Variants in FAM178B observed in about 807,000 individuals in gnomAD.
FAM178B encodes family with sequence similarity 178 member B.
In FAM178B, 82 loss-of-function variants were observed where a neutral mutation model predicts 91.7. That is an observed-to-expected ratio of 0.89 (90% CI 0.75 to 1.07). The LOEUF (loss-of-function observed/expected upper bound fraction) is 1.07, where lower values mean the gene tolerates loss of function less well. Among genes scored for constraint, FAM178B ranks in the 50% least tolerant of loss-of-function variants. The pLI is 0.00. For missense variants in FAM178B, 769 were observed against 846.7 expected, an observed-to-expected ratio of 0.91 and a Z score of 1.14; for synonymous variants, 368 against 359.4, an observed-to-expected ratio of 1.02 and a Z score of -0.27.
intron 6 of FAM178B, 119 bp downstream of exon 6, chr2:96,960,169 A>T: frequency 9.5e-7 from 1 of 1,056,786 alleles, no homozygotes; most frequent in South Asian, 1.7e-5. Flanking sequence ...GACACATTCA[A>T]ATTGGCCTGA....
chr2:96,941,915 A>G (rs2081738857), intron 8 of FAM178B, among the ~76,000 whole-genome samples: 1 of 152,212 alleles, frequency 6.6e-6, no homozygotes, highest in African/African-American at 2.4e-5. Context: ...TTGTTAAAGA[A>G]ACTTGAGGTC....
At chr2:96,908,337 G>A (rs1402726171) in intron 12 of FAM178B, among the ~76,000 whole-genome samples, 1 of 152,218 alleles carries the variant, frequency 6.6e-6, no homozygotes, top group Non-Finnish European at 1.5e-5. Flanking sequence ...CAAACCAGGT[G>A]TTGAGCCAAG....
intron 15 of FAM178B, 47 bp from the exon 16 acceptor site, chr2:96,878,089 G>A (rs1243741554): frequency 6.3e-7 from 1 of 1,593,734 alleles, no homozygotes; most frequent in East Asian, 2.2e-5. Flanking sequence ...CACAAGCCAG[G>A]CACATCCAAA....
At chr2:96,977,194 CAAAAAAAAAAAA>C (rs70964891) in intron 1 of FAM178B, among the ~76,000 whole-genome samples, 2 of 38,522 alleles carry the variant, frequency 5.2e-5, no homozygotes, top group African/African-American at 2.3e-4. Flanking sequence ...GACTCTGTCT[CAAAAAAAAAAAA>C]AAAAAAAAAA....
At chr2:96,878,588 CA>C in intron 14 of FAM178B, 95 bp from the exon 15 acceptor site, 3 of 1,148,980 alleles carry the variant, frequency 2.6e-6, no homozygotes, top group Non-Finnish European at 3.8e-6. Context: ...TCAGGCTTGG[CA>C]GGCCAGGCAG....
intron 12 of FAM178B, among the ~76,000 whole-genome samples, chr2:96,904,344 A>G (rs4260285): frequency 0.18 from 27,131 of 152,008 alleles, 2,996 homozygotes; most frequent in African/African-American, 0.31. Context: ...GCAGCCAGAC[A>G]CAAAAAATGT....
chr2:96,927,770 T>G (rs1425158565), intron 9 of FAM178B, among the ~76,000 whole-genome samples: 1 of 152,148 alleles, frequency 6.6e-6, no homozygotes, highest in Non-Finnish European at 1.5e-5. Context: ...CGAGACCCAG[T>G]GGCTATGTCT....
chr2:96,947,761 G>T, intron 8 of FAM178B, 57 bp downstream of exon 8: 2 of 1,003,496 alleles, frequency 2.0e-6, no homozygotes, highest in Non-Finnish European at 3.0e-6. Context: ...TGAGAGTCAC[G>T]TATCACAGGC....
At chr2:96,986,075 C>T (rs934534172) in intron 1 of FAM178B, among the ~76,000 whole-genome samples, 166 bp downstream of exon 1, 33 of 152,222 alleles carry the variant, frequency 2.2e-4, no homozygotes, top group African/African-American at 8.0e-4. Context: ...CACGTCGGAA[C>T]CCGAACCACG....
At chr2:96,933,330 C>T (rs2081573379) in intron 8 of FAM178B, among the ~76,000 whole-genome samples, 5 of 152,192 alleles carry the variant, frequency 3.3e-5, no homozygotes, top group Admixed American at 3.3e-4. Context: ...TGTGAGTCTG[C>T]AGGCGTCCCT....
At chr2:96,878,960 G>A (rs1021718059) in intron 14 of FAM178B, among the ~76,000 whole-genome samples, 2 of 152,176 alleles carry the variant, frequency 1.3e-5, no homozygotes, top group African/African-American at 4.8e-5. Flanking sequence ...GGAGCCGAAG[G>A]TTTTGGCTGA....
chr2:96,985,875 G>C (rs772395914), intron 1 of FAM178B, among the ~76,000 whole-genome samples: 2 of 152,186 alleles, frequency 1.3e-5, no homozygotes, highest in African/African-American at 2.4e-5. Context: ...CCATCAAACC[G>C]GGCAGGGGCT....
intron 16 of FAM178B, among the ~76,000 whole-genome samples, chr2:96,877,398 C>A (rs935642410): frequency 5.3e-5 from 8 of 150,912 alleles, no homozygotes; most frequent in African/African-American, 2.0e-4. Context: ...ACCCTGGGCA[C>A]TGGATTTTTT....
intron 1 of FAM178B, chr2:96,977,946 C>CGGGGGGGGGG: frequency 1.7e-5 from 1 of 57,842 alleles, no homozygotes; most frequent in South Asian, 7.9e-5. Context: ...GAGGGTGGGG[C>CGGGGGGGGGG]GGGCGGGGGA....
chr2:96,959,778 C>T, intron 6 of FAM178B, among the ~76,000 whole-genome samples: 1 of 152,320 alleles, frequency 6.6e-6, no homozygotes, highest in Admixed American at 6.5e-5. Context: ...TCAATGGTTA[C>T]GTGATAATGA....
At chr2:96,967,678 G>T in intron 4 of FAM178B, 51 bp from the exon 5 acceptor site, 1 of 1,291,392 alleles carries the variant, frequency 7.7e-7, no homozygotes, top group Non-Finnish European at 1.1e-6. Flanking sequence ...TCCCCATCGT[G>T]CAACCCTGTC....
chr2:96,904,853 G>C (rs957699824), intron 12 of FAM178B, among the ~76,000 whole-genome samples: 22 of 151,726 alleles, frequency 1.4e-4, no homozygotes, highest in African/African-American at 5.3e-4. Context: ...ACTCTTTTAT[G>C]CCCGGGTTTA....
intron 13 of FAM178B, among the ~76,000 whole-genome samples, chr2:96,900,899 A>G (rs556966885): frequency 6.6e-6 from 1 of 152,310 alleles, no homozygotes; most frequent in African/African-American, 2.4e-5. Context: ...GCAAGGGGTT[A>G]TGCTGCCTCA....
chr2:96,877,992 C>G lies in FAM178B; in HGVS notation c.1905G>C (p.Gln635His). 7.4e-6 allele frequency: 12 copies of G among 1,613,258 alleles called. No homozygotes were observed. The highest frequency in any genetic ancestry group is 1.0e-5 in the Non-Finnish European group (12 of 1,180,026). Reference sequence around the variant, plus strand: ...GCATGGCCTGGGGGCTCTCCCGGATCTGCGTGCTGATGTGGCGGTCCAACT... The same window carrying G: ...GCATGGCCTGGGGGCTCTCCCGGATGTGCGTGCTGATGTGGCGGTCCAACT... Reference protein sequence around the residue: ...CMQLDRHISTQIRESPQAMHR... With the variant: ...CMQLDRHISTHIRESPQAMHR... The change falls in exon 16 of 17, where the codon CAG (glutamine) becomes CAC (histidine). Residue 635 changes from glutamine (Q) to histidine (H), a missense_variant. Physicochemically the swap from Gln to His is conservative, Grantham distance 24. Transcript: ENST00000490605.
Sources: gnomAD v4.1 joint callset for allele counts (sites outside exome capture counted in the v4.1 genomes callset) on GRCh38, gnomAD v4.1.1 for gene constraint, MANE v1.5 for transcripts, NCBI Gene and HGNC (gene_info 2026-07-23, HGNC 2026-07-21) for gene names.